PLEKHH2: variants seen among roughly 807,000 people sequenced by gnomAD.
PLEKHH2 encodes the protein pleckstrin homology, MyTH4 and FERM domain containing H2.
A neutral mutation model predicts 187.9 loss-of-function variants in PLEKHH2; 129 were observed. The observed-to-expected ratio is 0.69, with a 90% confidence interval of 0.59 to 0.79. The LOEUF (loss-of-function observed/expected upper bound fraction) is 0.79. PLEKHH2 is among the 30% of genes least tolerant of loss of function. PLEKHH2 has a pLI of 0.00. For synonymous variants in PLEKHH2, 686 were observed against 605.6 expected (o/e 1.13, Z -1.95); for missense variants, 2,076 against 1,751.2 (o/e 1.19, Z -3.31).
chr2:43,734,125 T>C (rs1248581983), intron 19 of PLEKHH2, among the ~76,000 whole-genome samples: 1 of 152,200 alleles, frequency 6.6e-6, no homozygotes, highest in Non-Finnish European at 1.5e-5. Context: ...TTCCAACATA[T>C]ATGAGTAGAG....
At chr2:43,756,347 C>T (rs1672210635) in intron 25 of PLEKHH2, among the ~76,000 whole-genome samples, 1 of 151,934 alleles carries the variant, frequency 6.6e-6, no homozygotes, top group African/African-American at 2.4e-5. Context: ...CCAGGCTGGG[C>T]AATGGCATGA....
intron 19 of PLEKHH2, among the ~76,000 whole-genome samples, chr2:43,736,250 A>G (rs142612086): frequency 6.6e-6 from 1 of 152,342 alleles, no homozygotes; most frequent in South Asian, 2.1e-4. Flanking sequence ...AAACGCTTTT[A>G]TGTGTGCAAG....
intron 2 of PLEKHH2, among the ~76,000 whole-genome samples, chr2:43,670,532 A>G (rs62138791): frequency 0.18 from 26,956 of 152,110 alleles, 2,492 homozygotes; most frequent in Middle Eastern, 0.29. Context: ...TGTTCTATTC[A>G]TCTAATATGT....
At chr2:43,687,076 G>T (rs1361998524) in intron 3 of PLEKHH2, among the ~76,000 whole-genome samples, 1 of 152,258 alleles carries the variant, frequency 6.6e-6, no homozygotes, top group South Asian at 2.1e-4. Flanking sequence ...TGAGGTTTGG[G>T]ATATGGATGA....
intron 2 of PLEKHH2, among the ~76,000 whole-genome samples, chr2:43,647,632 T>G (rs1666245056): frequency 6.6e-6 from 1 of 152,130 alleles, no homozygotes; most frequent in African/African-American, 2.4e-5. Context: ...ATGGCATTGC[T>G]TCTAAGTGCC....
intron 18 of PLEKHH2, among the ~76,000 whole-genome samples, 177 bp downstream of exon 18, chr2:43,729,922 A>G (rs540303324): frequency 6.6e-6 from 1 of 152,132 alleles, no homozygotes; most frequent in East Asian, 1.9e-4. Context: ...CTGCAGGGAC[A>G]CCATCATTCC....
intron 23 of PLEKHH2, among the ~76,000 whole-genome samples, chr2:43,744,773 C>T (rs577477739): frequency 6.7e-6 from 1 of 149,860 alleles, no homozygotes; most frequent in South Asian, 2.1e-4. Flanking sequence ...GAAGCTGAGG[C>T]ACTAGAATCT....
intron 23 of PLEKHH2, among the ~76,000 whole-genome samples, chr2:43,745,488 C>G (rs1395446730): frequency 6.6e-6 from 1 of 152,130 alleles, no homozygotes; most frequent in Non-Finnish European, 1.5e-5. Context: ...TGTCAAATTT[C>G]TTTGGTATAA....
chr2:43,653,082 T>C (rs1666569383), intron 2 of PLEKHH2, among the ~76,000 whole-genome samples: 1 of 152,112 alleles, frequency 6.6e-6, no homozygotes, highest in Non-Finnish European at 1.5e-5. Context: ...CAGTTCAATA[T>C]GTCCAAGATC....
In PLEKHH2 at chr2:43,707,308, C is replaced by G. The variant is rs1669708694; in HGVS notation, c.1822-93C>G. 7 of 1,455,210 alleles carry G rather than the reference C, an allele frequency of 4.8e-6. No homozygotes were observed. The Admixed American group carries it at 1.1e-4, about 23-fold the overall frequency. 90.1% of individuals were successfully genotyped at this position (1,455,210 alleles called of 1,614,324 possible). A position where few individuals can be genotyped will look rare whatever the true frequency, so the allele number is the denominator to read the frequency against. On this transcript the variant is annotated intron_variant, in intron 10 of 29. Transcript: ENST00000282406. ...GATACAGGGAGGTTGCTCTGCTTTT[C>G]TTTAGGAGGCGACCCTAATAACTAG...
chr2:43,731,039 C>G (rs981464195), intron 18 of PLEKHH2, among the ~76,000 whole-genome samples: 1 of 152,024 alleles, frequency 6.6e-6, no homozygotes, highest in Non-Finnish European at 1.5e-5. Context: ...CTAGATTATC[C>G]AAAACAGGAA....
At chr2:43,737,750 G>GT (rs1210949618) in intron 19 of PLEKHH2, among the ~76,000 whole-genome samples, 1 of 152,204 alleles carries the variant, frequency 6.6e-6, no homozygotes, top group African/African-American at 2.4e-5. Context: ...GAAGTGCATT[G>GT]TTTTTTATAA....
In PLEKHH2 at chr2:43,650,502, T is replaced by C. The variant is rs17031170; in HGVS notation, c.123+5706T>C. 9.8e-3 allele frequency among the ~76,000 whole-genome samples: 1,485 copies of C among 152,300 alleles called. 26 individuals are homozygous for C. Among genetic ancestry groups the C allele is most frequent in the African/African-American group, 0.032 (1,332 of 41,564 alleles). ...TTGACCCAAGGTTTACATTATAGTC[T>C]ATATTGTGAAAGTAAAAACTTACAT... On this transcript the variant is annotated intron_variant, in intron 2 of 29. Transcript: ENST00000282406.
At chr2:43,691,910 G>C (rs1325761512) in intron 3 of PLEKHH2, among the ~76,000 whole-genome samples, 2 of 152,138 alleles carry the variant, frequency 1.3e-5, no homozygotes, top group Non-Finnish European at 1.5e-5. Context: ...CCGGACACTT[G>C]ACAGGTTTTC....
chr2:43,725,995 G>A (rs776875182), intron 16 of PLEKHH2, among the ~76,000 whole-genome samples: 8 of 151,570 alleles, frequency 5.3e-5, no homozygotes, highest in Non-Finnish European at 7.4e-5. Context: ...GCATGTGCCT[G>A]TAGTGCTAGC....
At chr2:43,726,176 T>A (rs1670734582) in intron 16 of PLEKHH2, 96 bp from the exon 17 acceptor site, 1 of 830,108 alleles carries the variant, frequency 1.2e-6, no homozygotes, top group Non-Finnish European at 1.8e-6. Flanking sequence ...TTTAAAGGTA[T>A]GCTTTATAAA....
intron 19 of PLEKHH2, among the ~76,000 whole-genome samples, chr2:43,731,889 C>T (rs1271776024): frequency 6.6e-6 from 1 of 152,084 alleles, no homozygotes; most frequent in Non-Finnish European, 1.5e-5. Context: ...TCTAATTTTC[C>T]ACATCACACC....
intron 24 of PLEKHH2, among the ~76,000 whole-genome samples, chr2:43,751,486 A>G (rs1029723672): frequency 6.6e-6 from 1 of 152,242 alleles, no homozygotes; most frequent in Non-Finnish European, 1.5e-5. Flanking sequence ...GAGGGCAAGC[A>G]AAAGGATCGC....
intron 1 of PLEKHH2, among the ~76,000 whole-genome samples, chr2:43,643,055 A>G (rs1406263248): frequency 6.6e-6 from 1 of 152,156 alleles, no homozygotes; most frequent in African/African-American, 2.4e-5. Context: ...TAAAGCTAAT[A>G]AGGAGAAAAA....
Sources: allele counts gnomAD v4.1 joint callset (sites outside exome capture counted in the v4.1 genomes callset), GRCh38; gene constraint gnomAD v4.1.1; transcripts MANE v1.5; gene names NCBI Gene and HGNC (gene_info 2026-07-23, HGNC 2026-07-21).